FHOD3: variants seen among roughly 807,000 people sequenced by gnomAD.
FHOD3 encodes the protein FH1/FH2 domain-containing protein 3.
In FHOD3, 90 loss-of-function variants were observed where a neutral mutation model predicts 173.0. The ratio of observed to expected loss-of-function variants is 0.52; its 90% CI spans 0.44 to 0.62. The LOEUF (loss-of-function observed/expected upper bound fraction) is 0.62. FHOD3 is among the 20% of genes least tolerant of loss of function. FHOD3 has a pLI of 0.00. For synonymous variants in FHOD3, 828 were observed against 823.0 expected (o/e 1.01, Z -0.10); for missense variants, 1,945 against 2,034.7 (o/e 0.96, Z 0.85).
intron 14 of FHOD3, among the ~76,000 whole-genome samples, chr18:36,680,103 A>G (rs888061781): frequency 9.9e-5 from 15 of 152,224 alleles, no homozygotes; most frequent in African/African-American, 3.6e-4. Flanking sequence ...AACTCTATCT[A>G]TGCCTTAGTG....
intron 9 of FHOD3, among the ~76,000 whole-genome samples, chr18:36,619,562 T>C (rs931397769): frequency 1.3e-5 from 2 of 152,214 alleles, no homozygotes; most frequent in Non-Finnish European, 2.9e-5. Context: ...CTGGCCCTCA[T>C]CGTTTCTTGC....
chr18:36,516,823 G>A (rs1007161102), intron 5 of FHOD3, among the ~76,000 whole-genome samples: 2 of 152,204 alleles, frequency 1.3e-5, no homozygotes, highest in Non-Finnish European at 2.9e-5. Context: ...AGTGTCTTGA[G>A]AAGTGTGCCC....
intron 14 of FHOD3, among the ~76,000 whole-genome samples, chr18:36,667,910 T>C (rs1021826766): frequency 1.1e-4 from 17 of 152,180 alleles, no homozygotes; most frequent in African/African-American, 4.1e-4. Flanking sequence ...TTGACTGAAA[T>C]GTTAAGTAGT....
chr18:36,351,930 A>G (rs1312965144), intron 1 of FHOD3, among the ~76,000 whole-genome samples: 1 of 152,200 alleles, frequency 6.6e-6, no homozygotes, highest in Non-Finnish European at 1.5e-5. Flanking sequence ...GGGCTTAGGC[A>G]GGGCTGGTGG....
intron 3 of FHOD3, among the ~76,000 whole-genome samples, chr18:36,438,505 C>T (rs1475778873): frequency 1.3e-5 from 2 of 152,168 alleles, no homozygotes; most frequent in Non-Finnish European, 2.9e-5. Flanking sequence ...ATCCCTGGCC[C>T]TCCCCTCCTG....
chr18:36,530,410 C>A (rs1260929645), intron 5 of FHOD3, among the ~76,000 whole-genome samples: 2 of 152,152 alleles, frequency 1.3e-5, no homozygotes, highest in African/African-American at 2.4e-5. Flanking sequence ...AGGGCAGGGG[C>A]ATCATCTATT....
Position 36,590,786 on chromosome 18 carries a change from A to G in FHOD3, c.607-4001A>G, listed in dbSNP as rs574885185. On this transcript the variant is annotated intron_variant, in intron 6 of 28. Coordinates refer to ENST00000590592, the MANE Select transcript of FHOD3 (RefSeq NM_001281740.3). The stretch of plus-strand genomic sequence containing the variant: ...GGAATAGGCATGTTGAGACCAATAG[A>G]AAAAGGAGGCTTTGCTAGAAAACAG... 5.2e-4 allele frequency among the ~76,000 whole-genome samples: 79 copies of G among 152,342 alleles called. 2 individuals are homozygous for G. In the South Asian group the frequency reaches 0.015, roughly 29 times the overall value.
intron 8 of FHOD3, among the ~76,000 whole-genome samples, chr18:36,610,006 T>A (rs546173185): frequency 6.6e-6 from 1 of 152,354 alleles, no homozygotes; most frequent in South Asian, 2.1e-4. Flanking sequence ...GGATTAGGTT[T>A]AGCAGTTTAA....
At chr18:36,448,600 G>A (rs1599158747) in intron 3 of FHOD3, among the ~76,000 whole-genome samples, 1 of 152,246 alleles carries the variant, frequency 6.6e-6, no homozygotes. Context: ...GCCTCCCTCT[G>A]TGTGAGGGAG....
chr18:36,306,095 G>A (rs144354295), intron 1 of FHOD3, among the ~76,000 whole-genome samples: 1 of 152,336 alleles, frequency 6.6e-6, no homozygotes, highest in African/African-American at 2.4e-5. Flanking sequence ...CAATAAGGAG[G>A]AAACTTATTT....
At chr18:36,700,383 C>T (rs541416141) in intron 17 of FHOD3, among the ~76,000 whole-genome samples, 7 of 152,260 alleles carry the variant, frequency 4.6e-5, no homozygotes, top group South Asian at 2.1e-4. Flanking sequence ...AACCCCCACC[C>T]GAAACCTGCT....
intron 18 of FHOD3, among the ~76,000 whole-genome samples, chr18:36,712,405 A>G (rs534720171): frequency 2.2e-4 from 34 of 152,342 alleles, no homozygotes; most frequent in Middle Eastern, 3.4e-3. Context: ...TATCTCAGCA[A>G]AGAAATAAAA....
At chr18:36,392,060 G>T (rs1399509439) in intron 3 of FHOD3, among the ~76,000 whole-genome samples, 3 of 152,204 alleles carry the variant, frequency 2.0e-5, no homozygotes, top group African/African-American at 7.2e-5. Flanking sequence ...GGTGTAGCGG[G>T]GTGGACTTTG....
chr18:36,644,825 G>C (rs779477853), intron 10 of FHOD3, among the ~76,000 whole-genome samples: 2 of 152,222 alleles, frequency 1.3e-5, no homozygotes, highest in South Asian at 4.1e-4. Context: ...CTCAAAAGTG[G>C]TGACTCTGAA....
At chr18:36,777,279 C>T (rs1404267091) in intron 28 of FHOD3, among the ~76,000 whole-genome samples, 9 of 150,822 alleles carry the variant, frequency 6.0e-5, no homozygotes, top group Non-Finnish European at 1.0e-4. Flanking sequence ...CTCGGCTCAC[C>T]GCAACCTCCG....
At chr18:36,662,172 C>T (rs1568568475) in intron 14 of FHOD3, among the ~76,000 whole-genome samples, 1 of 152,230 alleles carries the variant, frequency 6.6e-6, no homozygotes, top group South Asian at 2.1e-4. Flanking sequence ...ATCCTCTTCC[C>T]TTCCCTGTAG....
At chr18:36,452,962 T>C (rs772544023) in intron 3 of FHOD3, among the ~76,000 whole-genome samples, 5 of 152,156 alleles carry the variant, frequency 3.3e-5, no homozygotes, top group Non-Finnish European at 7.3e-5. Context: ...TCGGCTATTG[T>C]AAACATCTCT....
chr18:36,652,753 A>G lies in FHOD3; in HGVS notation c.1470A>G (p.Ser490=). 1 of 1,534,054 alleles carries G rather than the reference A, an allele frequency of 6.5e-7. No individual in the cohort carries two copies. The highest frequency in any genetic ancestry group is 8.7e-7 in the Non-Finnish European group (1 of 1,146,164). ...AGGCCACCCCATCTGCCCTCCTGTC[A>G]CCCCCTGCCTCAGCTGCTCGGCCCT... ...GSEATPSALL[S]PPASAARPSS... is the part of the protein sequence containing the mutation. The change falls in exon 12 of 29, where the codon TCA becomes TCG. Residue 490 remains serine (S), a synonymous_variant. Coordinates refer to ENST00000590592, the MANE Select transcript of FHOD3 (RefSeq NM_001281740.3).
intron 13 of FHOD3, among the ~76,000 whole-genome samples, chr18:36,657,067 T>C (rs532439458): frequency 7.2e-5 from 11 of 152,248 alleles, no homozygotes; most frequent in Non-Finnish European, 1.5e-4. Context: ...TGAAATCAGT[T>C]TGCTTTCCAG....
Sources: gnomAD v4.1 joint callset for allele counts (sites outside exome capture counted in the v4.1 genomes callset) on GRCh38, gnomAD v4.1.1 for gene constraint, MANE v1.5 for transcripts, NCBI Gene and HGNC (gene_info 2026-07-23, HGNC 2026-07-21) for gene names.